AFG2A: variants seen among roughly 807,000 people sequenced by gnomAD.
AFG2A encodes the protein AAA ATPase AFG2A, also known as ATPase family gene 2 protein homolog A.
chr4:123,170,505 A>T, the AFG2A span, among the ~76,000 whole-genome samples: 7 of 152,280 alleles, frequency 4.6e-5, no homozygotes, highest in African/African-American at 7.2e-5. Context: ...TGGTTGTCAG[A>T]TTCTGTCTGT....
the AFG2A span, among the ~76,000 whole-genome samples, chr4:123,103,995 T>A: frequency 6.6e-6 from 1 of 152,064 alleles, no homozygotes; most frequent in Non-Finnish European, 1.5e-5. Flanking sequence ...TGGGAAACTT[T>A]TTGGAATGAT....
the AFG2A span, among the ~76,000 whole-genome samples, chr4:123,205,223 C>T: frequency 6.6e-6 from 1 of 151,974 alleles, no homozygotes; most frequent in Non-Finnish European, 1.5e-5. Context: ...TCAGGGAGTA[C>T]AGTGGTATAT....
the AFG2A span, among the ~76,000 whole-genome samples, chr4:122,987,539 T>A: frequency 6.6e-6 from 1 of 152,138 alleles, no homozygotes; most frequent in East Asian, 1.9e-4. Flanking sequence ...TTTTTTTTTT[T>A]AGTGATATTC....
At chr4:122,946,150 TGA>T in the AFG2A span, among the ~76,000 whole-genome samples, 1 of 152,260 alleles carries the variant, frequency 6.6e-6, no homozygotes, top group Admixed American at 6.5e-5. Context: ...GTAAGAGATG[TGA>T]CTGTTAAGCA....
At chr4:123,190,044 C>G in the AFG2A span, among the ~76,000 whole-genome samples, 2 of 151,948 alleles carry the variant, frequency 1.3e-5, no homozygotes, top group Non-Finnish European at 2.9e-5. Flanking sequence ...AATTGATCCT[C>G]CCACTGCAGC....
chr4:123,032,084 C>G, the AFG2A span, among the ~76,000 whole-genome samples: 1 of 152,204 alleles, frequency 6.6e-6, no homozygotes, highest in Non-Finnish European at 1.5e-5. Context: ...AGAACTGTCA[C>G]TAATTCTGCA....
the AFG2A span, among the ~76,000 whole-genome samples, chr4:123,037,952 T>C: frequency 6.6e-6 from 1 of 152,082 alleles, no homozygotes; most frequent in Non-Finnish European, 1.5e-5. Flanking sequence ...TCTAGGACTT[T>C]TGGCATATTA....
chr4:122,992,019 G>A, the AFG2A span, among the ~76,000 whole-genome samples: 1 of 152,170 alleles, frequency 6.6e-6, no homozygotes, highest in African/African-American at 2.4e-5. Context: ...AGAATTTCAG[G>A]TGATAGTTAC....
the AFG2A span, among the ~76,000 whole-genome samples, chr4:122,941,176 A>T: frequency 2.6e-5 from 4 of 151,630 alleles, no homozygotes; most frequent in Non-Finnish European, 4.4e-5. Context: ...GAAGAAAGTC[A>T]TTGGTAGCTT....
the AFG2A span, among the ~76,000 whole-genome samples, chr4:123,136,518 C>T: frequency 6.6e-6 from 1 of 150,822 alleles, no homozygotes; most frequent in African/African-American, 2.4e-5. Context: ...AAAAAAAATA[C>T]AAAAAAATTA....
chr4:123,147,619 A>T, the AFG2A span, among the ~76,000 whole-genome samples: 14 of 152,330 alleles, frequency 9.2e-5, no homozygotes, highest in African/African-American at 3.4e-4. Flanking sequence ...TGTATGAACA[A>T]GGTTTCTCTG....
the AFG2A span, among the ~76,000 whole-genome samples, chr4:123,158,440 C>T: frequency 6.6e-6 from 1 of 152,038 alleles, no homozygotes; most frequent in East Asian, 1.9e-4. Flanking sequence ...GATATAAACT[C>T]ATTAGAAAGT....
At chr4:123,247,403 A>G in the AFG2A span, among the ~76,000 whole-genome samples, 79 of 152,176 alleles carry the variant, frequency 5.2e-4, no homozygotes, top group Middle Eastern at 0.017. Flanking sequence ...TGTTTAACAG[A>G]GCCTATTGCT....
the AFG2A span, among the ~76,000 whole-genome samples, chr4:123,115,114 G>C: frequency 1.3e-5 from 2 of 152,112 alleles, no homozygotes; most frequent in South Asian, 4.1e-4. Flanking sequence ...GCCTGGAGCA[G>C]GGCTCCAGGC....
At chr4:123,273,751 CT>C in the AFG2A span, among the ~76,000 whole-genome samples, 604 of 152,246 alleles carry the variant, frequency 4.0e-3, 2 homozygotes, top group Non-Finnish European at 7.1e-3. Context: ...TTCTTTCAGG[CT>C]ATCTGTATAA....
the AFG2A span, among the ~76,000 whole-genome samples, chr4:122,999,849 T>C: frequency 1.3e-5 from 2 of 151,770 alleles, no homozygotes; most frequent in Non-Finnish European, 3.0e-5. Flanking sequence ...GTGAAGAAAG[T>C]CATTGGTAGC....
chr4:122,996,619 A>C, the AFG2A span, among the ~76,000 whole-genome samples: 1 of 150,962 alleles, frequency 6.6e-6, no homozygotes, highest in Admixed American at 6.6e-5. Flanking sequence ...ATAGATAGAT[A>C]GATAGGAGAG....
At chr4:123,081,637 T>C in the AFG2A span, among the ~76,000 whole-genome samples, 3 of 152,200 alleles carry the variant, frequency 2.0e-5, no homozygotes. Context: ...CTATTCCTTT[T>C]GATAAATATC....
At chr4:123,105,373 A>G in the AFG2A span, among the ~76,000 whole-genome samples, 2 of 152,212 alleles carry the variant, frequency 1.3e-5, no homozygotes, top group African/African-American at 2.4e-5. Flanking sequence ...ATGGTTACTC[A>G]AGGCTCTGAT....
Sources: gnomAD v4.1 joint callset for allele counts (sites outside exome capture counted in the v4.1 genomes callset) on GRCh38, gnomAD v4.1.1 for gene constraint, MANE v1.5 for transcripts, NCBI Gene and HGNC (gene_info 2026-07-23, HGNC 2026-07-21) for gene names.